Variants in SMAD1 observed in about 807,000 individuals in gnomAD.
SMAD1 encodes the protein SMAD family member 1.
A neutral mutation model predicts 41.6 loss-of-function variants in SMAD1; 6 were observed. The observed-to-expected ratio is 0.14, with a 90% CI of 0.08 to 0.28. The LOEUF is 0.28. SMAD1 is among the 10% of genes least tolerant of loss of function. SMAD1 has a pLI of 1.00. For missense variants in SMAD1, 379 were observed against 582.6 expected (o/e 0.65, Z 3.60); for synonymous variants, 206 against 203.2 (o/e 1.01, Z -0.12).
intron 1 of SMAD1, among the ~76,000 whole-genome samples, chr4:145,501,762 T>A (rs1303926222): frequency 6.6e-6 from 1 of 151,680 alleles, no homozygotes; most frequent in African/African-American, 2.4e-5. Context: ...TCAGTATTAG[T>A]CAGTACTGGT....
chr4:145,531,449 G>C (rs1006979644), intron 2 of SMAD1, among the ~76,000 whole-genome samples: 11 of 152,066 alleles, frequency 7.2e-5, no homozygotes, highest in African/African-American at 2.7e-4. Context: ...GGGCCATTCT[G>C]TCCCTAGCCC....
chr4:145,548,251 C>T (rs972286439), intron 5 of SMAD1, among the ~76,000 whole-genome samples: 3 of 150,984 alleles, frequency 2.0e-5, no homozygotes, highest in Non-Finnish European at 4.4e-5. Flanking sequence ...TTTTTTGAGA[C>T]GGAGTCTCCC....
chr4:145,500,858 T>C (rs1488524180), intron 1 of SMAD1, among the ~76,000 whole-genome samples: 1 of 152,246 alleles, frequency 6.6e-6, no homozygotes, highest in Non-Finnish European at 1.5e-5. Flanking sequence ...TTTTTCAGCA[T>C]GTTATAATTT....
At chr4:145,504,741 GTTC>G (rs1339590078) in intron 1 of SMAD1, among the ~76,000 whole-genome samples, 2 of 152,134 alleles carry the variant, frequency 1.3e-5, no homozygotes, top group Admixed American at 1.3e-4. Context: ...TAAGTTCCCA[GTTC>G]TTCTGGACTT....
At position 145,514,650 on chromosome 4, in the gene SMAD1, G is replaced by A. The variant is rs1198375823; in HGVS notation, c.37G>A (p.Ala13Thr). ...AAGTTTATTTTCCTTTACAAGTCCA[G>A]CTGTGAAGAGACTTCTTGGGTGGAA... ...VTSLFSFTSPAVKRLLGWKQG... is the reference protein window; with the variant it reads ...VTSLFSFTSPTVKRLLGWKQG... Residue 13 changes from alanine (A) to threonine (T), a missense_variant, in exon 2 of 7, where the codon GCT (alanine) becomes ACT (threonine). Coordinates refer to ENST00000302085, the MANE Select transcript of SMAD1 (RefSeq NM_005900.3). The surrounding 1 kb of genome is among the most constrained non-coding windows in gnomAD (Gnocchi z 4.7). The A allele has an allele frequency of 6.2e-7, 1 of 1,612,924 alleles. No individual in the cohort carries two copies.
At chr4:145,488,812 T>C (rs73852324) in intron 1 of SMAD1, among the ~76,000 whole-genome samples, 18,681 of 152,170 alleles carry the variant, frequency 0.12, 3,536 homozygotes, top group African/African-American at 0.41. Context: ...TTCTGAGGCT[T>C]AATAATTAGA....
At chr4:145,507,702 A>T (rs1318772122) in intron 1 of SMAD1, among the ~76,000 whole-genome samples, 1 of 150,028 alleles carries the variant, frequency 6.7e-6, no homozygotes, top group Non-Finnish European at 1.5e-5. Context: ...TGAAATGTTT[A>T]TATTTGGACA....
In SMAD1 at chr4:145,542,484, ACTTGATCT is replaced by A. The variant is rs1242735640; in HGVS notation, c.659-92_659-85del. On this transcript the variant is annotated intron_variant, in intron 3 of 6. Coordinates refer to ENST00000302085, the MANE Select transcript of SMAD1 (RefSeq NM_005900.3). The stretch of plus-strand genomic sequence containing the variant: ...TTTTAATGGGGAGATTGAAATGACA[ACTTGATCT>A]CTTGAGAATTTCAGTACAGAAGAGG... 4 of 657,296 alleles carry A rather than the reference ACTTGATCT, an allele frequency of 6.1e-6. No individual in the cohort carries two copies. In the African/African-American group the frequency reaches 7.5e-5, roughly 12 times the overall value. 40.7% of individuals were successfully genotyped at this position (657,296 alleles called of 1,614,324 possible). A position where few individuals can be genotyped will look rare whatever the true frequency, so the allele number is the denominator to read the frequency against.
intron 2 of SMAD1, among the ~76,000 whole-genome samples, chr4:145,527,091 C>T (rs558761459): frequency 6.6e-4 from 101 of 152,166 alleles, no homozygotes; most frequent in Non-Finnish European, 1.1e-3. Context: ...ATGTAAGCAA[C>T]TTTTCATTAA....
chr4:145,555,358 A>G (rs1732779597), intron 6 of SMAD1, among the ~76,000 whole-genome samples: 1 of 152,214 alleles, frequency 6.6e-6, no homozygotes, highest in Non-Finnish European at 1.5e-5. Flanking sequence ...TATGGAGGAA[A>G]GAACAGCTCT....
chr4:145,488,556 CT>C (rs57963489), intron 1 of SMAD1, among the ~76,000 whole-genome samples: 18,110 of 151,024 alleles, frequency 0.12, 3,351 homozygotes, highest in African/African-American at 0.4. Flanking sequence ...ACCTTTATAG[CT>C]TTTTTTTCTT....
At chr4:145,532,910 A>C (rs1490272892) in intron 2 of SMAD1, among the ~76,000 whole-genome samples, 1 of 152,238 alleles carries the variant, frequency 6.6e-6, no homozygotes, top group Non-Finnish European at 1.5e-5. Flanking sequence ...TGCACAAAGA[A>C]AGTGTGCTTA....
intron 1 of SMAD1, among the ~76,000 whole-genome samples, chr4:145,506,248 C>A (rs754140373): frequency 2.0e-4 from 31 of 152,016 alleles, no homozygotes; most frequent in Admixed American, 1.3e-4. Context: ...ACTTTTAGTT[C>A]CTTAATTCTT....
At chr4:145,540,146 T>C in intron 3 of SMAD1, 85 bp downstream of exon 3, 2 of 1,510,084 alleles carry the variant, frequency 1.3e-6, no homozygotes, top group Admixed American at 3.5e-5. Flanking sequence ...CAACCTGCAG[T>C]GGAGGGAGGT....
At chr4:145,496,722 C>A (rs752938818) in intron 1 of SMAD1, among the ~76,000 whole-genome samples, 1 of 152,078 alleles carries the variant, frequency 6.6e-6, no homozygotes, top group Non-Finnish European at 1.5e-5. Context: ...GTCTGGGAAC[C>A]AGTGCCCCAG....
chr4:145,508,736 G>C (rs958885538), intron 1 of SMAD1, among the ~76,000 whole-genome samples: 15 of 152,176 alleles, frequency 9.9e-5, no homozygotes, highest in Admixed American at 7.2e-4. Context: ...TAGACTGAGT[G>C]GCTTATAAAC....
rs2126919703 is a variant in SMAD1, at chr4:145,481,985, C to G, written c.-230C>G. 6.6e-6 allele frequency: 1 copy of G among 152,124 alleles called. No homozygotes were observed. The highest frequency in any genetic ancestry group is 2.1e-4 in the South Asian group (1 of 4,830). 9.4% of individuals were successfully genotyped at this position (152,124 alleles called of 1,614,324 possible). On this transcript the variant is annotated 5_prime_UTR_variant, in exon 1 of 7. Transcript: ENST00000302085. ...GGCCGTCCGGACCCGGGCCGCGAGA[C>G]CCCGCTCGCCCGGCCACTCGTGCTC...
intron 1 of SMAD1, among the ~76,000 whole-genome samples, chr4:145,484,916 A>G (rs930421460): frequency 6.6e-6 from 1 of 152,200 alleles, no homozygotes; most frequent in African/African-American, 2.4e-5. Context: ...CCAGGCCTAT[A>G]CCAGAAACAA....
At chr4:145,521,428 A>T (rs1039134664) in intron 2 of SMAD1, among the ~76,000 whole-genome samples, 2 of 152,094 alleles carry the variant, frequency 1.3e-5, no homozygotes, top group African/African-American at 2.4e-5. Context: ...TGAAATTCTG[A>T]GATTTCAGTT....
Sources: gnomAD v4.1 joint callset for allele counts (sites outside exome capture counted in the v4.1 genomes callset) on GRCh38, gnomAD v4.1.1 for gene constraint, Gnocchi (gnomAD v3.1) non-coding constraint, MANE v1.5 for transcripts, NCBI Gene and HGNC (gene_info 2026-07-23, HGNC 2026-07-21) for gene names.